FARS2: variants seen among roughly 807,000 people sequenced by gnomAD.
FARS2 encodes the protein phenylalanine--tRNA ligase, mitochondrial.
A neutral mutation model predicts 46.4 loss-of-function variants in FARS2; 40 were observed. The ratio of observed to expected loss-of-function variants is 0.86; its 90% CI spans 0.67 to 1.12. FARS2 has a LOEUF of 1.12. Among genes scored for constraint, FARS2 ranks in the 50% most tolerant of loss-of-function variants. The pLI, the probability that FARS2 is intolerant of heterozygous loss-of-function variation, is 0.00. For synonymous variants in FARS2, 234 were observed against 214.9 expected, an observed-to-expected ratio of 1.09 and a Z score of -0.78; for missense variants, 513 against 567.9, an observed-to-expected ratio of 0.90 and a Z score of 0.98.
chr6:5,545,119 G>T, intron 4 of FARS2, 61 bp from the exon 5 acceptor site: 2 of 1,515,772 alleles, frequency 1.3e-6, no homozygotes, highest in Non-Finnish European at 1.8e-6. Context: ...GTCAGGGAGT[G>T]GTATGAACCT....
intron 4 of FARS2, among the ~76,000 whole-genome samples, chr6:5,543,230 C>T (rs756048448): frequency 1.2e-4 from 18 of 152,130 alleles, no homozygotes; most frequent in African/African-American, 2.4e-4. Flanking sequence ...AAGTGATAAC[C>T]GCAGGTGCTG....
At chr6:5,337,067 CTT>C (rs149761965) in intron 1 of FARS2, among the ~76,000 whole-genome samples, 8 of 141,686 alleles carry the variant, frequency 5.6e-5, no homozygotes, top group African/African-American at 1.6e-4. Flanking sequence ...AATATCACTT[CTT>C]TTTTTTTTTT....
chr6:5,256,070 G>T (rs563079545), upstream of FARS2, among the ~76,000 whole-genome samples: 10 of 151,940 alleles, frequency 6.6e-5, no homozygotes, highest in South Asian at 1.0e-3. Context: ...GGCCCAAAAG[G>T]TTGGTCATGC....
chr6:5,349,292 A>G (rs549893901), intron 1 of FARS2, among the ~76,000 whole-genome samples: 1 of 152,322 alleles, frequency 6.6e-6, no homozygotes, highest in South Asian at 2.1e-4. Context: ...TTGGATCTGT[A>G]TGTTGAAGAT....
At chr6:5,602,167 AAGG>A (rs1774558478) in intron 5 of FARS2, among the ~76,000 whole-genome samples, 1 of 152,236 alleles carries the variant, frequency 6.6e-6, no homozygotes, top group Non-Finnish European at 1.5e-5. Context: ...TAACATTAAA[AAGG>A]AGAAGAGTTT....
chr6:5,556,484 C>A (rs1038517211), intron 5 of FARS2, among the ~76,000 whole-genome samples: 3 of 151,816 alleles, frequency 2.0e-5, no homozygotes, highest in African/African-American at 7.3e-5. Flanking sequence ...ATAACTTTAG[C>A]CTTATGATGT....
At chr6:5,571,956 C>T (rs1772678853) in intron 5 of FARS2, among the ~76,000 whole-genome samples, 2 of 152,196 alleles carry the variant, frequency 1.3e-5, no homozygotes, top group East Asian at 1.9e-4. Context: ...TGTCCTGTCA[C>T]CTGCAGCCTC....
the FARS2 span, among the ~76,000 whole-genome samples, chr6:5,252,204 G>A: frequency 6.4e-4 from 98 of 152,250 alleles, 1 homozygote; most frequent in African/African-American, 2.3e-3. Flanking sequence ...TACAGATTTT[G>A]CAGGCTTATT....
intron 1 of FARS2, among the ~76,000 whole-genome samples, chr6:5,281,056 T>C (rs1766688986): frequency 6.6e-6 from 1 of 152,196 alleles, no homozygotes; most frequent in East Asian, 1.9e-4. Flanking sequence ...TGGGTTTACT[T>C]TGTACTCGAG....
At chr6:5,390,602 T>G (rs569045341) in intron 2 of FARS2, among the ~76,000 whole-genome samples, 17 of 152,346 alleles carry the variant, frequency 1.1e-4, no homozygotes, top group African/African-American at 4.1e-4. Context: ...TGAGCAATAT[T>G]TCTTTCCCTT....
intron 4 of FARS2, among the ~76,000 whole-genome samples, chr6:5,441,078 C>T (rs1376426444): frequency 6.6e-6 from 1 of 152,058 alleles, no homozygotes; most frequent in Non-Finnish European, 1.5e-5. Flanking sequence ...TGCGCCACCA[C>T]AACCGGCTAA....
intron 2 of FARS2, among the ~76,000 whole-genome samples, chr6:5,381,464 ATTAGTTAAAGGGTT>A (rs1430741427): frequency 6.6e-6 from 1 of 151,612 alleles, no homozygotes; most frequent in Non-Finnish European, 1.5e-5. Context: ...TTATAGGCTT[ATTAGTTAAAGGGTT>A]TTATGGGCTA....
At chr6:5,626,165 A>G (rs1342109526) in intron 6 of FARS2, among the ~76,000 whole-genome samples, 1 of 152,110 alleles carries the variant, frequency 6.6e-6, no homozygotes, top group African/African-American at 2.4e-5. Context: ...GAATGAGGGA[A>G]TCCCTGTTTT....
At chr6:5,420,991 G>T (rs1304392618) in intron 3 of FARS2, among the ~76,000 whole-genome samples, 1 of 152,116 alleles carries the variant, frequency 6.6e-6, no homozygotes, top group Non-Finnish European at 1.5e-5. Flanking sequence ...CCCCAGCAGG[G>T]ATTCTGTGTG....
intron 5 of FARS2, among the ~76,000 whole-genome samples, chr6:5,556,411 G>GT (rs1211180781): frequency 1.9e-4 from 29 of 152,054 alleles, no homozygotes; most frequent in Middle Eastern, 3.4e-3. Context: ...CAGTCCTCCT[G>GT]ATTCTCAGTC....
intron 5 of FARS2, among the ~76,000 whole-genome samples, chr6:5,601,958 A>G (rs1383350414): frequency 5.9e-5 from 9 of 152,236 alleles, no homozygotes; most frequent in African/African-American, 1.2e-4. Context: ...TGACAATGCC[A>G]TAACTGTGGA....
At chr6:5,571,612 C>G (rs1772653955) in intron 5 of FARS2, among the ~76,000 whole-genome samples, 1 of 152,140 alleles carries the variant, frequency 6.6e-6, no homozygotes, top group South Asian at 2.1e-4. Flanking sequence ...TCTAGTGGCT[C>G]TAGCACCCGG....
At chr6:5,633,541 T>C (rs1225082625) in intron 6 of FARS2, among the ~76,000 whole-genome samples, 2 of 152,130 alleles carry the variant, frequency 1.3e-5, no homozygotes, top group Non-Finnish European at 2.9e-5. Flanking sequence ...GTGCTGGGAT[T>C]ACAGGCGTGA....
At chr6:5,338,557 A>G (rs1171152657) in intron 1 of FARS2, among the ~76,000 whole-genome samples, 1 of 152,026 alleles carries the variant, frequency 6.6e-6, no homozygotes, top group Non-Finnish European at 1.5e-5. Context: ...CTGCTCTAAA[A>G]TGCTCTCCCT....
Sources: allele counts gnomAD v4.1 joint callset (sites outside exome capture counted in the v4.1 genomes callset), GRCh38; gene constraint gnomAD v4.1.1; transcripts MANE v1.5; gene names NCBI Gene and HGNC (gene_info 2026-07-23, HGNC 2026-07-21).